Variants in NMNAT2 observed in about 807,000 individuals in gnomAD.
The protein encoded by NMNAT2 is nicotinamide nucleotide adenylyltransferase 2.
Under a neutral mutation model 41.6 loss-of-function variants are expected in NMNAT2, and 11 were observed. That is an observed-to-expected ratio of 0.26 (90% CI 0.17 to 0.44). The LOEUF (loss-of-function observed/expected upper bound fraction) is 0.44, where lower values mean the gene tolerates loss of function less well. Among genes scored for constraint, NMNAT2 ranks in the 20% least tolerant of loss-of-function variants. The pLI, the probability that NMNAT2 is intolerant of heterozygous loss-of-function variation, is 1.00. For synonymous variants in NMNAT2, 148 were observed against 151.2 expected, an observed-to-expected ratio of 0.98 and a Z score of 0.16; for missense variants, 288 against 407.7, an observed-to-expected ratio of 0.71 and a Z score of 2.53.
intron 7 of NMNAT2, among the ~76,000 whole-genome samples, chr1:183,281,021 G>T (rs2102299400): frequency 6.6e-6 from 1 of 152,050 alleles, no homozygotes; most frequent in Non-Finnish European, 1.5e-5. Context: ...CCAACCTCAG[G>T]TGACCCGCCA....
chr1:183,341,736 A>AAAAAAAAAAC (rs1662816279), intron 1 of NMNAT2, among the ~76,000 whole-genome samples: 1 of 138,132 alleles, frequency 7.2e-6, no homozygotes. Context: ...AAAAAAAAAA[A>AAAAAAAAAAC]AAAAAAAAAA....
intron 1 of NMNAT2, among the ~76,000 whole-genome samples, chr1:183,349,481 A>T (rs999823361): frequency 6.6e-6 from 1 of 152,268 alleles, no homozygotes; most frequent in East Asian, 1.9e-4. Context: ...TTCTCTTTCC[A>T]GCCCCCGCTG....
chr1:183,387,097 T>C (rs1028810558), intron 1 of NMNAT2, among the ~76,000 whole-genome samples: 2 of 151,274 alleles, frequency 1.3e-5, no homozygotes, highest in Non-Finnish European at 2.9e-5. Context: ...ACATAAATAA[T>C]GTATTAGTTT....
intron 8 of NMNAT2, among the ~76,000 whole-genome samples, chr1:183,268,847 G>A (rs1445758057): frequency 6.6e-6 from 1 of 152,222 alleles, no homozygotes; most frequent in African/African-American, 2.4e-5. Flanking sequence ...TTCCAGACCA[G>A]CCTGGGCAAC....
At chr1:183,276,436 T>C (rs1661125753) in intron 8 of NMNAT2, among the ~76,000 whole-genome samples, 1 of 152,002 alleles carries the variant, frequency 6.6e-6, no homozygotes, top group South Asian at 2.1e-4. Flanking sequence ...GACCAGCCAT[T>C]TTGGAGAGAA....
chr1:183,255,172 T>A (rs891664250), intron 10 of NMNAT2, among the ~76,000 whole-genome samples: 6 of 152,212 alleles, frequency 3.9e-5, no homozygotes, highest in African/African-American at 1.4e-4. Flanking sequence ...TTGAAGAGAC[T>A]GTCCTCTCTT....
chr1:183,370,217 A>AACACAG (rs1169390842), intron 1 of NMNAT2, among the ~76,000 whole-genome samples: 1 of 89,414 alleles, frequency 1.1e-5, no homozygotes, highest in Non-Finnish European at 2.3e-5. Flanking sequence ...CACTACTATC[A>AACACAG]ACACATACAC....
At chr1:183,413,320 A>G (rs1649167834) in intron 1 of NMNAT2, among the ~76,000 whole-genome samples, 1 of 152,160 alleles carries the variant, frequency 6.6e-6, no homozygotes, top group Non-Finnish European at 1.5e-5. Context: ...TCTGGGCTCA[A>G]GCGGACCTTT....
At chr1:183,296,840 A>G (rs535335229) in intron 1 of NMNAT2, among the ~76,000 whole-genome samples, 3 of 152,094 alleles carry the variant, frequency 2.0e-5, no homozygotes, top group Non-Finnish European at 4.4e-5. Flanking sequence ...AAAGAGTTGT[A>G]GTACTTCACT....
At chr1:183,321,992 AT>A (rs776535743) in intron 1 of NMNAT2, among the ~76,000 whole-genome samples, 101 of 144,930 alleles carry the variant, frequency 7.0e-4, no homozygotes, top group South Asian at 2.0e-3. Context: ...CTAATTTAAA[AT>A]TTTTTTTTTT....
chr1:183,294,994 C>T (rs1448199254), intron 1 of NMNAT2, among the ~76,000 whole-genome samples: 2 of 152,146 alleles, frequency 1.3e-5, no homozygotes, highest in African/African-American at 4.8e-5. Flanking sequence ...ACCATATTTG[C>T]TTCTTTTTCT....
At chr1:183,322,926 A>G (rs1459746622) in intron 1 of NMNAT2, among the ~76,000 whole-genome samples, 1 of 152,034 alleles carries the variant, frequency 6.6e-6, no homozygotes, top group Non-Finnish European at 1.5e-5. Context: ...ATCTCAATAC[A>G]CATAAAACTA....
chr1:183,402,743 G>C (rs1230157828), intron 1 of NMNAT2, among the ~76,000 whole-genome samples: 2 of 152,112 alleles, frequency 1.3e-5, no homozygotes, highest in Non-Finnish European at 2.9e-5. Flanking sequence ...CTCCCTCAAG[G>C]CAGGACAAGT....
At chr1:183,293,860 T>C in intron 1 of NMNAT2, 67 bp from the exon 2 acceptor site, 1 of 1,073,420 alleles carries the variant, frequency 9.3e-7, no homozygotes, top group Non-Finnish European at 1.4e-6. Flanking sequence ...ATAATTGAAA[T>C]CAATACGCTC....
At chr1:183,293,573 T>A (rs531994392) in intron 2 of NMNAT2, 132 bp downstream of exon 2, 1 of 709,838 alleles carries the variant, frequency 1.4e-6, no homozygotes, top group South Asian at 1.7e-5. Context: ...GATAGACGCA[T>A]GGACCTGGGC....
chr1:183,403,308 T>A (rs1648866894), intron 1 of NMNAT2, among the ~76,000 whole-genome samples: 1 of 152,206 alleles, frequency 6.6e-6, no homozygotes, highest in Non-Finnish European at 1.5e-5. Context: ...CGTTTCTCAA[T>A]TTCTTTAAAC....
chr1:183,321,733 C>CA (rs1032151806), intron 1 of NMNAT2, among the ~76,000 whole-genome samples: 3 of 145,256 alleles, frequency 2.1e-5, no homozygotes, highest in South Asian at 2.1e-4. Context: ...GACTCCATCT[C>CA]AAAAAAAAGA....
At position 183,394,996 on chromosome 1, in the gene NMNAT2, G is replaced by A. The variant is rs111983216; in HGVS notation, c.85+23187C>T. 3.9e-5 allele frequency among the ~76,000 whole-genome samples: 6 copies of A among 152,202 alleles called. No homozygotes were observed. In the South Asian group the frequency reaches 6.2e-4, roughly 16 times the overall value. On this transcript the variant is annotated intron_variant, in intron 1 of 10. Transcript: ENST00000287713. The stretch of plus-strand genomic sequence containing the variant: ...TGGCAGTTACCCACCCTTCTTTGCC[G>A]TTCAGCCATTCTCCCAGCCCTTCAC...
At chr1:183,347,193 G>A (rs10911317) in intron 1 of NMNAT2, among the ~76,000 whole-genome samples, 61,784 of 152,046 alleles carry the variant, frequency 0.41, 13,709 homozygotes, top group East Asian at 0.68. Flanking sequence ...TGCGGTTCAC[G>A]CCTGTAATCC....
Sources: allele counts gnomAD v4.1 joint callset (sites outside exome capture counted in the v4.1 genomes callset), GRCh38; gene constraint gnomAD v4.1.1; transcripts MANE v1.5; gene names NCBI Gene and HGNC (gene_info 2026-07-23, HGNC 2026-07-21).